Variants in SEC23A observed in about 807,000 individuals in gnomAD.
SEC23A encodes protein transport protein Sec23A.
SEC23A carries 56 observed loss-of-function variants against 103.7 expected under a neutral mutation model. The ratio of observed to expected loss-of-function variants is 0.54; its 90% CI spans 0.44 to 0.67. The LOEUF (loss-of-function observed/expected upper bound fraction) is 0.67, where lower values mean the gene tolerates loss of function less well. Ranked by LOEUF, SEC23A falls within the 30% of genes least tolerant of loss-of-function variation. The probability of loss-of-function intolerance (pLI) is 0.00; values close to 1 mark genes in which losing one functional copy is unlikely to be tolerated. For missense variants in SEC23A, 784 were observed against 936.4 expected (o/e 0.84, Z 2.12); for synonymous variants, 281 against 293.0 (o/e 0.96, Z 0.42).
intron 17 of SEC23A, among the ~76,000 whole-genome samples, chr14:39,042,031 C>A (rs1885666810): frequency 6.6e-6 from 1 of 152,234 alleles, no homozygotes; most frequent in South Asian, 2.1e-4. Context: ...AAGTAATCCT[C>A]CTGCCTTGGC....
chr14:39,084,868 G>T (rs1887374160), intron 7 of SEC23A, among the ~76,000 whole-genome samples: 1 of 152,038 alleles, frequency 6.6e-6, no homozygotes, highest in African/African-American at 2.4e-5. Context: ...ATGGGGTTTT[G>T]CCATATTGGC....
intron 11 of SEC23A, 125 bp downstream of exon 11, chr14:39,064,788 T>C: frequency 1.3e-6 from 1 of 771,048 alleles, no homozygotes; most frequent in Non-Finnish European, 2.4e-6. Context: ...CTATGTTGCC[T>C]GAGCTGGTCT....
chr14:39,079,690 C>T (rs1315327013), intron 7 of SEC23A, among the ~76,000 whole-genome samples: 2 of 151,922 alleles, frequency 1.3e-5, no homozygotes, highest in South Asian at 2.1e-4. Context: ...GGCGGGGTGG[C>T]GGGTACCTAT....
rs1887813522 is a variant in SEC23A, at chr14:39,094,436, ATATATATTTTTTTTTT to A, written c.222-1208_222-1193del. On this transcript the variant is annotated intron_variant, in intron 2 of 19. Coordinates refer to ENST00000307712, the MANE Select transcript of SEC23A (RefSeq NM_006364.4). ...TATATATATATATATATATATATAT[ATATATATTTTTTTTTT>A]TTTTTTTTCCCCTCCTGTAGAAATG... Among the ~76,000 whole-genome samples the A allele has an allele frequency of 7.0e-4, 15 of 21,526 alleles. 2 individuals are homozygous for A. In the East Asian group the frequency reaches 0.01, roughly 14 times the overall value. 14.1% of individuals were successfully genotyped at this position (21,526 alleles called of 152,430 possible). A position where few individuals can be genotyped will look rare whatever the true frequency, so the allele number is the denominator to read the frequency against.
At chr14:39,044,045 C>T (rs1885747275) in intron 16 of SEC23A, among the ~76,000 whole-genome samples, 1 of 152,038 alleles carries the variant, frequency 6.6e-6, no homozygotes. Flanking sequence ...TGTTATAAAC[C>T]TGACTGTTGT....
chr14:39,039,111 A>C lies in SEC23A; in HGVS notation c.2143-15T>G. ...AGGAAACGGGCCTTAAAAGCAAAGAAGAAATAACATTATCCATCAAAAATG... is the reference window on the plus strand; with the variant it reads ...AGGAAACGGGCCTTAAAAGCAAAGACGAAATAACATTATCCATCAAAAATG... On this transcript the variant is annotated splice_polypyrimidine_tract_variant and intron_variant, in intron 18 of 19. Coordinates refer to ENST00000307712, the MANE Select transcript of SEC23A (RefSeq NM_006364.4). The C allele has an allele frequency of 1.9e-6, 3 of 1,608,252 alleles. No individual in the cohort carries two copies. Among genetic ancestry groups the C allele is most frequent in the Non-Finnish European group, 1.7e-6 (2 of 1,174,842 alleles).
intron 13 of SEC23A, among the ~76,000 whole-genome samples, chr14:39,061,505 T>G (rs927153489): frequency 1.1e-4 from 17 of 152,268 alleles, no homozygotes; most frequent in Admixed American, 3.3e-4. Flanking sequence ...TATCTGATTT[T>G]TCTCCTCTCA....
chr14:39,056,120 G>A (rs1886238547), intron 13 of SEC23A, among the ~76,000 whole-genome samples: 1 of 152,202 alleles, frequency 6.6e-6, no homozygotes, highest in Admixed American at 6.5e-5. Context: ...GAGCTTTCGT[G>A]CCACTACGCT....
chr14:39,093,245 C>T lies in SEC23A; in HGVS notation c.222-1G>A. On this transcript the variant is annotated splice_acceptor_variant, in intron 2 of 19. Coordinates refer to ENST00000307712, the MANE Select transcript of SEC23A (RefSeq NM_006364.4). LOFTEE classifies it high-confidence loss of function. Reference sequence around the variant, plus strand: ...AAGTTTTGCTCGATAATCCACTTGACTGTTTTAAAAAAAAAGAAAAGACAT... The same window carrying T: ...AAGTTTTGCTCGATAATCCACTTGATTGTTTTAAAAAAAAAGAAAAGACAT... 6.2e-7 allele frequency: 1 copy of T among 1,607,398 alleles called. No individual in the cohort carries two copies. Among genetic ancestry groups the T allele is most frequent in the Non-Finnish European group, 8.5e-7 (1 of 1,178,512 alleles).
intron 2 of SEC23A, 21 bp from the exon 3 acceptor site, chr14:39,093,265 A>T (rs1887725527): frequency 6.3e-7 from 1 of 1,596,474 alleles, no homozygotes; most frequent in African/African-American, 1.3e-5. Context: ...AAAAAAGAAA[A>T]GACATATCAG....
intron 10 of SEC23A, among the ~76,000 whole-genome samples, chr14:39,066,205 A>G (rs1886662096): frequency 6.6e-6 from 1 of 152,032 alleles, no homozygotes; most frequent in Admixed American, 6.6e-5. Context: ...TCTCTATAGC[A>G]AGACGTGTAC....
chr14:39,056,272 C>T (rs970345185), intron 13 of SEC23A, among the ~76,000 whole-genome samples: 19 of 152,130 alleles, frequency 1.2e-4, no homozygotes, highest in Admixed American at 2.6e-4. Context: ...TCCTCCTGTT[C>T]TACTTACTAG....
intron 13 of SEC23A, 88 bp from the exon 14 acceptor site, chr14:39,055,384 A>C (rs1886206967): frequency 7.1e-7 from 1 of 1,405,488 alleles, no homozygotes. Flanking sequence ...TAAATTTAAA[A>C]GATAAAAGAT....
intron 19 of SEC23A, 87 bp downstream of exon 19, chr14:39,038,944 A>G: frequency 8.6e-7 from 1 of 1,159,968 alleles, no homozygotes; most frequent in Non-Finnish European, 1.3e-6. Flanking sequence ...ATTACTAAAT[A>G]CACAGGAAAA....
intron 13 of SEC23A, among the ~76,000 whole-genome samples, chr14:39,061,217 A>G (rs1207100789): frequency 6.6e-6 from 1 of 152,192 alleles, no homozygotes; most frequent in Non-Finnish European, 1.5e-5. Context: ...GCCCTTTACC[A>G]CAGACAATGT....
chr14:39,046,106 A>G (rs144493325), intron 15 of SEC23A, among the ~76,000 whole-genome samples: 3 of 152,234 alleles, frequency 2.0e-5, no homozygotes, highest in East Asian at 3.9e-4. Flanking sequence ...CACGTAAGAT[A>G]TGTCTTGCTT....
At chr14:39,084,456 T>C (rs1014355265) in intron 7 of SEC23A, among the ~76,000 whole-genome samples, 22 of 152,212 alleles carry the variant, frequency 1.4e-4, no homozygotes, top group African/African-American at 5.1e-4. Flanking sequence ...ACAGGATATA[T>C]ACAAAACAAT....
chr14:39,043,834 T>C (rs1024896564), intron 16 of SEC23A, among the ~76,000 whole-genome samples: 2 of 152,178 alleles, frequency 1.3e-5, no homozygotes, highest in African/African-American at 4.8e-5. Flanking sequence ...TGGTGAGATG[T>C]AGGACATTGG....
chr14:39,079,729 G>A (rs1887156850), intron 7 of SEC23A, among the ~76,000 whole-genome samples: 1 of 152,010 alleles, frequency 6.6e-6, no homozygotes, highest in Non-Finnish European at 1.5e-5. Flanking sequence ...GGCTGAGGCA[G>A]GAGAATTGCT....
Sources: allele counts gnomAD v4.1 joint callset (sites outside exome capture counted in the v4.1 genomes callset), GRCh38; gene constraint gnomAD v4.1.1; transcripts MANE v1.5; gene names NCBI Gene and HGNC (gene_info 2026-07-23, HGNC 2026-07-21).